MACROD2: variants seen among roughly 807,000 people sequenced by gnomAD.
MACROD2 encodes ADP-ribose glycohydrolase MACROD2.
In MACROD2, 36 loss-of-function variants were observed where a neutral mutation model predicts 70.4. That is an observed-to-expected ratio of 0.51 (90% CI 0.39 to 0.68). The LOEUF (loss-of-function observed/expected upper bound fraction) is 0.68, where lower values mean the gene tolerates loss of function less well. Ranked by LOEUF, MACROD2 falls within the 30% of genes least tolerant of loss-of-function variation. MACROD2 has a pLI of 0.00. For synonymous variants in MACROD2, 172 were observed against 178.8 expected, an observed-to-expected ratio of 0.96 and a Z score of 0.30; for missense variants, 496 against 538.4, an observed-to-expected ratio of 0.92 and a Z score of 0.78.
chr20:14,862,037 A>ATT (rs1196535669), intron 5 of MACROD2, among the ~76,000 whole-genome samples: 1 of 11,372 alleles, frequency 8.8e-5, no homozygotes, highest in Non-Finnish European at 1.7e-4. Context: ...ATTTATATAT[A>ATT]TTTATATATA....
chr20:14,778,979 T>A (rs572772564), intron 5 of MACROD2, among the ~76,000 whole-genome samples: 32 of 152,232 alleles, frequency 2.1e-4, no homozygotes, highest in Admixed American at 3.9e-4. Flanking sequence ...TTTGCTTTTT[T>A]AAAAAAGTTA....
Position 14,127,470 on chromosome 20 carries a change from A to G in MACROD2, c.271+41742A>G, listed in dbSNP as rs1005604512. 1.6e-5 allele frequency: 8 copies of G among 497,096 alleles called. No homozygotes were observed. In the Admixed American group the frequency reaches 1.9e-4, roughly 12 times the overall value. 30.8% of individuals were successfully genotyped at this position (497,096 alleles called of 1,614,324 possible). ...GCTGTTCTGAAGAGGCTGGAGCAGA[A>G]GGAGGCAGAGGTGGGTCAAATCATT... On this transcript the variant is annotated intron_variant, in intron 3 of 17. Transcript: ENST00000684519.
At chr20:14,681,751 A>G (rs1013247434) in intron 4 of MACROD2, among the ~76,000 whole-genome samples, 5 of 152,204 alleles carry the variant, frequency 3.3e-5, no homozygotes, top group Non-Finnish European at 5.9e-5. Flanking sequence ...ATTATAAGTC[A>G]TAAATAGAAT....
chr20:14,464,785 G>A (rs1223610883), intron 3 of MACROD2, among the ~76,000 whole-genome samples: 3 of 151,896 alleles, frequency 2.0e-5, no homozygotes, highest in South Asian at 2.1e-4. Flanking sequence ...CCTTCATTTC[G>A]TTATGTACCC....
intron 3 of MACROD2, among the ~76,000 whole-genome samples, chr20:14,207,541 A>G (rs1163642677): frequency 2.7e-5 from 4 of 149,166 alleles, no homozygotes; most frequent in African/African-American, 1.0e-4. Context: ...GCACGTCAGT[A>G]TCTGCTACAT....
At chr20:15,876,109 A>ATATATATGTATGTATG (rs57817982) in intron 9 of MACROD2, among the ~76,000 whole-genome samples, 4 of 124,460 alleles carry the variant, frequency 3.2e-5, no homozygotes, top group Non-Finnish European at 4.7e-5. Context: ...ATATATATAT[A>ATATATATGTATGTATG]TATGTGTGTA....
At chr20:15,654,621 G>C (rs1046356288) in intron 8 of MACROD2, among the ~76,000 whole-genome samples, 2 of 152,180 alleles carry the variant, frequency 1.3e-5, no homozygotes, top group Non-Finnish European at 2.9e-5. Flanking sequence ...TGGGGGAGTG[G>C]GGAAATGGTT....
intron 5 of MACROD2, among the ~76,000 whole-genome samples, chr20:14,887,011 C>T (rs982128179): frequency 1.3e-5 from 2 of 152,044 alleles, no homozygotes; most frequent in African/African-American, 4.8e-5. Flanking sequence ...ATAGTGAATG[C>T]TTTTTTGATT....
intron 5 of MACROD2, among the ~76,000 whole-genome samples, chr20:14,756,846 A>G (rs528639434): frequency 1.3e-5 from 2 of 152,194 alleles, no homozygotes; most frequent in African/African-American, 4.8e-5. Flanking sequence ...TGTTTCCCCC[A>G]TACTGTTCTC....
chr20:16,042,699 C>A (rs1313959165), intron 16 of MACROD2, among the ~76,000 whole-genome samples: 2 of 152,060 alleles, frequency 1.3e-5, no homozygotes, highest in African/African-American at 2.4e-5. Context: ...GGTGAACTCA[C>A]AATAACTTTG....
chr20:14,621,050 A>G (rs1291249242), intron 4 of MACROD2, among the ~76,000 whole-genome samples: 1 of 152,118 alleles, frequency 6.6e-6, no homozygotes, highest in African/African-American at 2.4e-5. Context: ...AGAGCGTACT[A>G]CTGATTCGCT....
intron 5 of MACROD2, among the ~76,000 whole-genome samples, chr20:14,798,585 T>C (rs1199904561): frequency 6.6e-6 from 1 of 152,132 alleles, no homozygotes; most frequent in African/African-American, 2.4e-5. Context: ...TACCCATATT[T>C]CATTAGTGCA....
chr20:14,787,032 C>T (rs1032570346), intron 5 of MACROD2, among the ~76,000 whole-genome samples: 2 of 152,022 alleles, frequency 1.3e-5, no homozygotes, highest in Non-Finnish European at 2.9e-5. Flanking sequence ...AATCATTTAG[C>T]TCTAGTACAT....
intron 8 of MACROD2, among the ~76,000 whole-genome samples, chr20:15,551,297 G>C (rs942871576): frequency 4.0e-5 from 6 of 149,038 alleles, no homozygotes; most frequent in African/African-American, 1.5e-4. Flanking sequence ...TCCTATTTCA[G>C]TTCTTCTTCC....
intron 8 of MACROD2, among the ~76,000 whole-genome samples, chr20:15,632,323 C>T (rs1211004553): frequency 6.6e-6 from 1 of 152,168 alleles, no homozygotes; most frequent in African/African-American, 2.4e-5. Flanking sequence ...TGAGCACATA[C>T]TCTGTATAAA....
At chr20:15,798,855 T>G (rs2063698691) in intron 8 of MACROD2, among the ~76,000 whole-genome samples, 2 of 152,196 alleles carry the variant, frequency 1.3e-5, no homozygotes, top group African/African-American at 4.8e-5. Flanking sequence ...CCAATACAAC[T>G]GCTTTTCTAT....
intron 13 of MACROD2, among the ~76,000 whole-genome samples, chr20:15,968,838 TAC>T (rs1555801905): frequency 1.8e-5 from 2 of 113,844 alleles, no homozygotes; most frequent in African/African-American, 6.6e-5. Context: ...TATATATATA[TAC>T]ACACATATAC....
chr20:15,217,514 A>G (rs2076821168), intron 5 of MACROD2, among the ~76,000 whole-genome samples: 1 of 151,362 alleles, frequency 6.6e-6, no homozygotes, highest in Non-Finnish European at 1.5e-5. Flanking sequence ...GCTGTCTGAT[A>G]ATAATTACAC....
At chr20:15,907,381 A>G (rs1185254414) in intron 10 of MACROD2, among the ~76,000 whole-genome samples, 1 of 152,258 alleles carries the variant, frequency 6.6e-6, no homozygotes, top group Non-Finnish European at 1.5e-5. Flanking sequence ...CCAAGAGATC[A>G]AATTGTCCAA....
Sources: gnomAD v4.1 joint callset for allele counts (sites outside exome capture counted in the v4.1 genomes callset) on GRCh38, gnomAD v4.1.1 for gene constraint, MANE v1.5 for transcripts, NCBI Gene and HGNC (gene_info 2026-07-23, HGNC 2026-07-21) for gene names.